Variants in XRN2 observed in about 807,000 individuals in gnomAD.
XRN2 encodes the protein DHM1-like protein.
A neutral mutation model predicts 138.5 loss-of-function variants in XRN2; 44 were observed. The observed-to-expected ratio is 0.32, with a 90% CI of 0.25 to 0.41. The LOEUF (loss-of-function observed/expected upper bound fraction) is 0.41, where lower values mean the gene tolerates loss of function less well. Ranked by LOEUF, XRN2 falls within the 10% of genes least tolerant of loss-of-function variation. The pLI is 1.00. For synonymous variants in XRN2, 354 were observed against 369.4 expected, an observed-to-expected ratio of 0.96 and a Z score of 0.48; for missense variants, 937 against 1,169.3, an observed-to-expected ratio of 0.80 and a Z score of 2.90.
rs1261984508 is a variant in XRN2, at chr20:21,370,863, AT to A, written c.2584+2274del. ...CCCATTTATCAAAGAATTGTAAGTC[AT>A]GTGCCAGTGTTTGTTTCTCAAAATG... On this transcript the variant is annotated intron_variant, in intron 27 of 29. Transcript: ENST00000377191. 2.6e-5 allele frequency among the ~76,000 whole-genome samples: 4 copies of A among 152,322 alleles called. No individual in the cohort carries two copies. The East Asian group carries it at 7.7e-4, about 29-fold the overall frequency.
At chr20:21,331,070 A>G (rs1281646570) in intron 6 of XRN2, among the ~76,000 whole-genome samples, 1 of 152,204 alleles carries the variant, frequency 6.6e-6, no homozygotes, top group East Asian at 1.9e-4. Flanking sequence ...TGTGTTCCCA[A>G]ATATTTAAAT....
chr20:21,384,796 T>A (rs1273227746), intron 28 of XRN2, among the ~76,000 whole-genome samples: 1 of 152,188 alleles, frequency 6.6e-6, no homozygotes, highest in East Asian at 1.9e-4. Context: ...CTGGCCTAAT[T>A]GCTAATTTTT....
chr20:21,371,086 A>G (rs1277135426), intron 27 of XRN2, among the ~76,000 whole-genome samples: 1 of 152,152 alleles, frequency 6.6e-6, no homozygotes, highest in Non-Finnish European at 1.5e-5. Flanking sequence ...ATACTTTGTT[A>G]TAGATACCCC....
chr20:21,353,209 A>T (rs1441362766), intron 20 of XRN2, among the ~76,000 whole-genome samples: 14 of 141,344 alleles, frequency 9.9e-5, no homozygotes, highest in African/African-American at 3.5e-4. Context: ...AATATAAATA[A>T]ATGTAGTGGG....
At chr20:21,364,682 C>G (rs1171113554) in intron 24 of XRN2, among the ~76,000 whole-genome samples, 1 of 151,840 alleles carries the variant, frequency 6.6e-6, no homozygotes, top group Non-Finnish European at 1.5e-5. Context: ...TGTTGTGTAC[C>G]TGTAGTCTCA....
chr20:21,323,483 C>T (rs145909498), intron 1 of XRN2, among the ~76,000 whole-genome samples: 121 of 152,272 alleles, frequency 7.9e-4, no homozygotes, highest in African/African-American at 2.3e-3. Flanking sequence ...TTTAACTGAA[C>T]AGGAAACGTG....
chr20:21,331,021 A>C (rs1422756297), intron 6 of XRN2, among the ~76,000 whole-genome samples: 4 of 152,206 alleles, frequency 2.6e-5, no homozygotes, highest in Admixed American at 6.5e-5. Context: ...ATATCAATAT[A>C]CAGCAAAATT....
intron 24 of XRN2, among the ~76,000 whole-genome samples, chr20:21,362,648 T>G (rs1452424491): frequency 1.3e-5 from 2 of 152,200 alleles, no homozygotes; most frequent in Non-Finnish European, 2.9e-5. Flanking sequence ...GGCATCACAT[T>G]ATACTCACAC....
intron 1 of XRN2, among the ~76,000 whole-genome samples, chr20:21,315,483 C>A (rs1298422549): frequency 1.3e-5 from 2 of 152,084 alleles, no homozygotes; most frequent in Non-Finnish European, 2.9e-5. Flanking sequence ...TATTTAGGTT[C>A]TTTGTCTCCT....
intron 1 of XRN2, among the ~76,000 whole-genome samples, chr20:21,312,135 A>C (rs576631352): frequency 5.3e-5 from 8 of 150,876 alleles, no homozygotes; most frequent in Non-Finnish European, 1.2e-4. Context: ...TCTTTTTGAG[A>C]GGAGTTTCAC....
intron 27 of XRN2, among the ~76,000 whole-genome samples, chr20:21,375,399 G>C (rs1015872639): frequency 2.0e-5 from 3 of 151,638 alleles, no homozygotes; most frequent in African/African-American, 7.3e-5. Flanking sequence ...TGGAGACTTA[G>C]GTAATTTATT....
At chr20:21,365,882 TA>T (rs2038690143) in intron 26 of XRN2, among the ~76,000 whole-genome samples, 178 bp downstream of exon 26, 1 of 125,162 alleles carries the variant, frequency 8.0e-6, no homozygotes, top group South Asian at 2.3e-4. Context: ...TATATAATAT[TA>T]TATAATATAT....
At position 21,333,633 on chromosome 20, in the gene XRN2, TC is replaced by T. The variant is rs756203764; in HGVS notation, c.933+16del. 1.1e-4 allele frequency: 180 copies of T among 1,613,716 alleles called. 1 individual carries two copies. Among genetic ancestry groups the T allele is most frequent in the Middle Eastern group, 9.9e-4 (6 of 6,062 alleles). On this transcript the variant is annotated intron_variant, in intron 10 of 29. Transcript: ENST00000377191. ...TTCTTCGTGAGGTATGTAGCAATAA[TC>T]ATTGAAATCAGCACTCTAAAGCAGG...
In XRN2 at chr20:21,333,574, G is replaced by A; in HGVS notation, c.889G>A (p.Ala297Thr). 1.2e-6 allele frequency: 2 copies of A among 1,613,704 alleles called. No individual in the cohort carries two copies. The highest frequency in any genetic ancestry group is 2.7e-5 in the African/African-American group (2 of 75,034). ...TGAACTTGCCGATAGTCTTCCTTGT[G>A]CAGAAGGAGAGTTTATCTTCCTTCG... ...HDELADSLPC[A>T]EGEFIFLRLN... is the part of the protein sequence containing the mutation. The change falls in exon 10 of 30, where the codon GCA (alanine) becomes ACA (threonine). Residue 297 changes from alanine to threonine, a missense_variant. Coordinates refer to ENST00000377191, the MANE Select transcript of XRN2 (RefSeq NM_012255.5).
At chr20:21,324,721 ACTC>A (rs2038099897) in intron 1 of XRN2, among the ~76,000 whole-genome samples, 1 of 151,964 alleles carries the variant, frequency 6.6e-6, no homozygotes. Flanking sequence ...GCAGCCTTGA[ACTC>A]CTGGCCTCAA....
intron 5 of XRN2, 28 bp downstream of exon 5, chr20:21,330,567 T>C: frequency 1.2e-6 from 2 of 1,613,730 alleles, no homozygotes; most frequent in Non-Finnish European, 1.7e-6. Context: ...TTGCTAGCTA[T>C]TGCTAACTCT....
In XRN2 at chr20:21,339,092, A is replaced by C; in HGVS notation, c.1278+4A>C. On this transcript the variant is annotated splice_donor_region_variant and intron_variant, in intron 14 of 29. Transcript: ENST00000377191. ...AGAAAAAAGAAAGAGAATGAAGGTGAGTTTTAATTAATTTCATGAGATTGG... is the reference window on the plus strand; with the variant it reads ...AGAAAAAAGAAAGAGAATGAAGGTGCGTTTTAATTAATTTCATGAGATTGG... 1 of 1,604,454 alleles carries C rather than the reference A, an allele frequency of 6.2e-7. No homozygotes were observed. Among genetic ancestry groups the C allele is most frequent in the South Asian group, 1.1e-5 (1 of 89,834 alleles).
intron 28 of XRN2, among the ~76,000 whole-genome samples, chr20:21,386,363 T>C (rs993634041): frequency 3.9e-5 from 6 of 152,140 alleles, no homozygotes; most frequent in Non-Finnish European, 8.8e-5. Flanking sequence ...AACAGAATAA[T>C]GGATGGGAAA....
At chr20:21,322,269 C>A (rs529119079) in intron 1 of XRN2, among the ~76,000 whole-genome samples, 1 of 152,288 alleles carries the variant, frequency 6.6e-6, no homozygotes, top group South Asian at 2.1e-4. Context: ...AGATCTAACA[C>A]ACGTACAACT....
Sources: allele counts gnomAD v4.1 joint callset (sites outside exome capture counted in the v4.1 genomes callset), GRCh38; gene constraint gnomAD v4.1.1; transcripts MANE v1.5; gene names NCBI Gene and HGNC (gene_info 2026-07-23, HGNC 2026-07-21).